TRIM4: variants seen among roughly 807,000 people sequenced by gnomAD.
TRIM4 encodes the protein tripartite motif containing 4, also known as E3 ubiquitin-protein ligase TRIM4.
In TRIM4, 29 loss-of-function variants were observed where a neutral mutation model predicts 33.7. The observed-to-expected ratio is 0.86, with a 90% confidence interval of 0.64 to 1.17. The LOEUF (loss-of-function observed/expected upper bound fraction) is 1.17, where lower values mean the gene tolerates loss of function less well. Ranked by LOEUF, TRIM4 falls within the 50% of genes most tolerant of loss-of-function variation. The pLI, the probability that TRIM4 is intolerant of heterozygous loss-of-function variation, is 0.00. For synonymous variants in TRIM4, 224 were observed against 233.0 expected (o/e 0.96, Z 0.35); for missense variants, 554 against 593.7 (o/e 0.93, Z 0.69).
At chr7:99,898,947 T>C (rs1357012787) in intron 5 of TRIM4, among the ~76,000 whole-genome samples, 1 of 152,226 alleles carries the variant, frequency 6.6e-6, no homozygotes, top group Non-Finnish European at 1.5e-5. Flanking sequence ...CATTGTCTTT[T>C]GTTGCTGTAG....
In TRIM4 at chr7:99,903,236, T is replaced by G; in HGVS notation, c.823A>C (p.Met275Leu). 1 of 1,612,532 alleles carries G rather than the reference T, an allele frequency of 6.2e-7. No individual in the cohort carries two copies. Among genetic ancestry groups the G allele is most frequent in the Non-Finnish European group, 8.5e-7 (1 of 1,179,166 alleles). The change falls in exon 5 of 6, where the codon ATG (methionine) becomes CTG (leucine). Residue 275 changes from methionine (M) to leucine (L), a missense_variant. Physicochemically the swap from Met to Leu is conservative, Grantham distance 15. Transcript: ENST00000349062. ...TGCTCACCTTGGAATCGCTTTAGCA[T>G]TTCCTTCATCAATGGTATCTGGCAC... ...TVCQIPLMKEMLKRFQVAVNL... is the reference protein window; with the variant it reads ...TVCQIPLMKELLKRFQVAVNL...
At chr7:99,903,107 C>T in intron 5 of TRIM4, 111 bp downstream of exon 5, 1 of 784,508 alleles carries the variant, frequency 1.3e-6, no homozygotes, top group South Asian at 1.7e-5. Flanking sequence ...ACCACCTTTC[C>T]TGACACTCTA....
chr7:99,904,542 G>A (rs2067271517), intron 3 of TRIM4, among the ~76,000 whole-genome samples: 1 of 152,162 alleles, frequency 6.6e-6, no homozygotes, highest in Non-Finnish European at 1.5e-5. Context: ...TTAGTAAACT[G>A]TATCACTGGT....
intron 1 of TRIM4, among the ~76,000 whole-genome samples, chr7:99,918,521 C>T (rs1022783831): frequency 4.0e-5 from 6 of 151,358 alleles, no homozygotes; most frequent in South Asian, 2.1e-4. Flanking sequence ...GCCAAGATCA[C>T]GCCACTGTGC....
At position 99,903,683 on chromosome 7, in the gene TRIM4, C is replaced by T; in HGVS notation, c.721-85G>A. 5.9e-6 allele frequency: 9 copies of T among 1,519,426 alleles called. No homozygotes were observed. The South Asian group carries it at 9.1e-5, about 15-fold the overall frequency. The allele number at this position is 1,519,426 out of a possible 1,614,324, so 94.1% of individuals were successfully genotyped here. A position where few individuals can be genotyped will look rare whatever the true frequency, so the allele number is the denominator to read the frequency against. On this transcript the variant is annotated intron_variant, in intron 3 of 5. Coordinates refer to ENST00000349062, the MANE Select transcript of TRIM4 (RefSeq NM_033091.3). ...AACTGTGTGAGCAGGTATTTTCTGA[C>T]GGTTGCATTTGCTCATGTCACATAT...
In TRIM4 at chr7:99,908,381, G is replaced by A. The variant is rs1477549775; in HGVS notation, c.720+201C>T. On this transcript the variant is annotated intron_variant, in intron 3 of 5. Coordinates refer to ENST00000349062, the MANE Select transcript of TRIM4 (RefSeq NM_033091.3). The stretch of plus-strand genomic sequence containing the variant: ...GTGTGAATCAACTTATCTCCTATGA[G>A]CTGAGCTCAGCATACCTACATTTCA... 3 of 535,862 alleles carry A rather than the reference G, an allele frequency of 5.6e-6. No individual in the cohort carries two copies. In the Admixed American group the frequency reaches 9.7e-5, roughly 17 times the overall value. The allele number at this position is 535,862 out of a possible 1,614,324, so 33.2% of individuals were successfully genotyped here.
intron 5 of TRIM4, among the ~76,000 whole-genome samples, chr7:99,900,080 C>T (rs189475434): frequency 2.0e-4 from 30 of 152,172 alleles, no homozygotes; most frequent in Non-Finnish European, 1.3e-4. Flanking sequence ...GCCACCACAC[C>T]CAGCCAGTGT....
intron 1 of TRIM4, 56 bp from the exon 2 acceptor site, chr7:99,909,716 CTTT>C (rs1487191389): frequency 1.2e-6 from 1 of 829,362 alleles, no homozygotes; most frequent in African/African-American, 1.8e-5. Flanking sequence ...TCATCATCTT[CTTT>C]TTTCTTTTTG....
rs2151656366 is a variant in TRIM4, at chr7:99,919,520, G to A, written c.-119C>T. 1.7e-6 allele frequency: 2 copies of A among 1,174,104 alleles called. No individual in the cohort carries two copies. The highest frequency in any genetic ancestry group is 1.1e-6 in the Non-Finnish European group (1 of 870,200). 72.7% of individuals were successfully genotyped at this position (1,174,104 alleles called of 1,614,324 possible). A position where few individuals can be genotyped will look rare whatever the true frequency, so the allele number is the denominator to read the frequency against. ...ACCGCCGTCACCGCCTCACGTAAAAGGGTACAACGCAGTTTCTCTTCCGGG... is the reference window on the plus strand; with the variant it reads ...ACCGCCGTCACCGCCTCACGTAAAAAGGTACAACGCAGTTTCTCTTCCGGG... On this transcript the variant is annotated 5_prime_UTR_variant, in exon 1 of 6. Transcript: ENST00000349062.
chr7:99,909,157 T>TGTGC (rs759462306), intron 2 of TRIM4, among the ~76,000 whole-genome samples: 2,613 of 150,800 alleles, frequency 0.017, 29 homozygotes, highest in Non-Finnish European at 0.026. Flanking sequence ...TGTGTGTGTG[T>TGTGC]GCGTGTGTGT....
In TRIM4 at chr7:99,892,145, G is replaced by C; in HGVS notation, c.*18C>G. On this transcript the variant is annotated 3_prime_UTR_variant, in exon 6 of 6. Coordinates refer to ENST00000349062, the MANE Select transcript of TRIM4 (RefSeq NM_033091.3). ...GCTGGACTACAGGGAAGGAGTTTTG[G>C]TCAGGGGAAGAAAAGCCTCATTTCC... The C allele has an allele frequency of 6.3e-7, 1 of 1,580,616 alleles. No individual in the cohort carries two copies. Among genetic ancestry groups the C allele is most frequent in the Non-Finnish European group, 8.6e-7 (1 of 1,165,174 alleles).
intron 5 of TRIM4, among the ~76,000 whole-genome samples, chr7:99,897,142 C>T (rs1194418163): frequency 1.3e-5 from 2 of 152,076 alleles, no homozygotes; most frequent in African/African-American, 4.8e-5. Context: ...CCTGGGACCC[C>T]GTGAAGAGAT....
chr7:99,903,466 A>G (rs1212288825), intron 4 of TRIM4, 110 bp downstream of exon 4: 15 of 1,468,858 alleles, frequency 1.0e-5, no homozygotes, highest in Non-Finnish European at 1.3e-5. Context: ...TCAGACCCCC[A>G]TTAGGGTGTG....
intron 1 of TRIM4, chr7:99,917,691 C>T (rs947052175): frequency 1.8e-6 from 1 of 557,448 alleles, no homozygotes; most frequent in African/African-American, 2.1e-5. Context: ...TGCATTCCAG[C>T]CTGGGCAACA....
intron 5 of TRIM4, among the ~76,000 whole-genome samples, chr7:99,894,632 G>A (rs906474661): frequency 8.0e-5 from 12 of 149,646 alleles, no homozygotes; most frequent in Middle Eastern, 3.5e-3. Flanking sequence ...GCACCACTGC[G>A]CCCCAGCCTA....
Position 99,892,236 on chromosome 7 carries a change from G to C in TRIM4, c.1352C>G (p.Ser451Ter), listed in dbSNP as rs910398617. ...HLHTFSCSSV[S>*]RLRPFFWLSP... ...CAACCAAAAAAATGGCCGGAGGCGTGAGACAGAAGAACAAGAAAAGGTGTG... is the reference window on the plus strand; with the variant it reads ...CAACCAAAAAAATGGCCGGAGGCGTCAGACAGAAGAACAAGAAAAGGTGTG... Residue 451 changes from serine (S) to a stop codon, truncating the protein, a stop_gained, in exon 6 of 6, where the codon TCA becomes TGA. Transcript: ENST00000349062. LOFTEE classifies it low-confidence loss of function (END_TRUNC). 2.5e-6 allele frequency: 4 copies of C among 1,614,154 alleles called. No homozygotes were observed. The highest frequency in any genetic ancestry group is 1.6e-4 in the Middle Eastern group (1 of 6,062).
chr7:99,918,855 A>C (rs1320496026), intron 1 of TRIM4, among the ~76,000 whole-genome samples, 154 bp downstream of exon 1: 1 of 152,162 alleles, frequency 6.6e-6, no homozygotes, highest in African/African-American at 2.4e-5. Flanking sequence ...CCTAGCTCTG[A>C]AATTCGTGTT....
rs1818888087 is a variant in TRIM4, at chr7:99,891,316, G to A, written c.*847C>T. On this transcript the variant is annotated 3_prime_UTR_variant, in exon 6 of 6. Transcript: ENST00000349062. The stretch of plus-strand genomic sequence containing the variant: ...TTTCTCATTTGTACAAATAGGATTT[G>A]ACTTTCCATCTCACTGAGTTGTGAT... The A allele has an allele frequency of 6.6e-6, 1 of 152,200 alleles. No individual in the cohort carries two copies. 9.4% of individuals were successfully genotyped at this position (152,200 alleles called of 1,614,324 possible). A position where few individuals can be genotyped will look rare whatever the true frequency, so the allele number is the denominator to read the frequency against.
At chr7:99,904,858 C>T (rs982310416) in intron 3 of TRIM4, among the ~76,000 whole-genome samples, 5 of 151,658 alleles carry the variant, frequency 3.3e-5, no homozygotes, top group East Asian at 1.9e-4. Context: ...ATGATGACAC[C>T]CCATCTCTAC....
Sources: gnomAD v4.1 joint callset for allele counts (sites outside exome capture counted in the v4.1 genomes callset) on GRCh38, gnomAD v4.1.1 for gene constraint, MANE v1.5 for transcripts, NCBI Gene and HGNC (gene_info 2026-07-23, HGNC 2026-07-21) for gene names.